Variants in COMMD10 observed in about 807,000 individuals in gnomAD.
COMMD10 encodes COMM domain containing 10, also known as COMM domain-containing protein 10.
Under a neutral mutation model 28.9 loss-of-function variants are expected in COMMD10, and 33 were observed. The observed-to-expected ratio is 1.14, with a 90% CI of 0.87 to 1.53. The LOEUF is 1.53. Ranked by LOEUF, COMMD10 falls within the 40% of genes most tolerant of loss-of-function variation. COMMD10 has a pLI of 0.00. For synonymous variants in COMMD10, 110 were observed against 81.7 expected (o/e 1.35, Z -1.87); for missense variants, 310 against 233.4 (o/e 1.33, Z -2.14).
intron 5 of COMMD10, among the ~76,000 whole-genome samples, chr5:116,235,010 ACTT>A (rs1159731613): frequency 6.6e-6 from 1 of 152,188 alleles, no homozygotes; most frequent in Non-Finnish European, 1.5e-5. Flanking sequence ...TTACCAGTGA[ACTT>A]CTTCAAATGT....
intron 5 of COMMD10, among the ~76,000 whole-genome samples, chr5:116,268,929 A>G (rs1338657861): frequency 2.0e-5 from 3 of 151,316 alleles, no homozygotes; most frequent in Non-Finnish European, 2.9e-5. Context: ...GAGGAACATC[A>G]CAAACCGGAG....
At chr5:116,270,297 G>C (rs1474659900) in intron 5 of COMMD10, among the ~76,000 whole-genome samples, 2 of 151,760 alleles carry the variant, frequency 1.3e-5, no homozygotes, top group African/African-American at 2.4e-5. Flanking sequence ...TCATGTATTA[G>C]TTCCTGTTAT....
chr5:116,130,666 A>C (rs73253207), intron 4 of COMMD10, among the ~76,000 whole-genome samples: 5 of 151,964 alleles, frequency 3.3e-5, no homozygotes, highest in African/African-American at 1.2e-4. Flanking sequence ...CTGTGACCCA[A>C]AATATTTAAG....
At chr5:116,212,327 C>T (rs1286228016) in intron 5 of COMMD10, among the ~76,000 whole-genome samples, 3 of 152,146 alleles carry the variant, frequency 2.0e-5, no homozygotes, top group African/African-American at 7.2e-5. Context: ...TCTCTCCAGG[C>T]ATCCTTTTAT....
chr5:116,252,268 T>TA (rs1438985086), intron 5 of COMMD10, among the ~76,000 whole-genome samples: 1 of 142,294 alleles, frequency 7.0e-6, no homozygotes, highest in Non-Finnish European at 1.5e-5. Context: ...ACTCTGATGG[T>TA]AGTTTCTTTT....
intron 5 of COMMD10, among the ~76,000 whole-genome samples, chr5:116,202,987 C>A (rs1385408506): frequency 1.3e-5 from 2 of 151,808 alleles, no homozygotes; most frequent in Admixed American, 1.3e-4. Context: ...ATGGTATTGC[C>A]TAGGTTTTCT....
At chr5:116,154,632 A>G (rs1451722134) in intron 5 of COMMD10, among the ~76,000 whole-genome samples, 1 of 152,264 alleles carries the variant, frequency 6.6e-6, no homozygotes, top group East Asian at 1.9e-4. Context: ...TAAGTGATTT[A>G]TATGGCAAGT....
At chr5:116,221,247 A>G (rs1245359464) in intron 5 of COMMD10, among the ~76,000 whole-genome samples, 1 of 151,830 alleles carries the variant, frequency 6.6e-6, no homozygotes, top group Non-Finnish European at 1.5e-5. Context: ...ATTCCAACCA[A>G]TCAATGACCC....
intron 5 of COMMD10, among the ~76,000 whole-genome samples, chr5:116,248,809 G>A (rs542024867): frequency 2.0e-5 from 3 of 151,698 alleles, no homozygotes; most frequent in Non-Finnish European, 4.4e-5. Flanking sequence ...TCTTGGATCC[G>A]GAAATATACT....
At chr5:116,215,680 C>G (rs1330267455) in intron 5 of COMMD10, among the ~76,000 whole-genome samples, 1 of 126,764 alleles carries the variant, frequency 7.9e-6, no homozygotes, top group African/African-American at 2.7e-5. Flanking sequence ...GAGTGGGAGT[C>G]CAGCTAAAAA....
intron 5 of COMMD10, among the ~76,000 whole-genome samples, chr5:116,205,528 A>G (rs568577935): frequency 2.4e-4 from 37 of 152,206 alleles, no homozygotes; most frequent in Admixed American, 1.3e-3. Flanking sequence ...CCTCATATAC[A>G]TATGCACATA....
At chr5:116,114,295 A>G (rs1362658530) in intron 4 of COMMD10, among the ~76,000 whole-genome samples, 1 of 151,908 alleles carries the variant, frequency 6.6e-6, no homozygotes, top group South Asian at 2.1e-4. Flanking sequence ...GTAGCAGTGT[A>G]CTGGGCAAGT....
At chr5:116,189,885 G>A (rs1416888589) in intron 5 of COMMD10, among the ~76,000 whole-genome samples, 1 of 152,116 alleles carries the variant, frequency 6.6e-6, no homozygotes, top group African/African-American at 2.4e-5. Flanking sequence ...TCTTTATTAT[G>A]AAAGGAGGTA....
intron 5 of COMMD10, among the ~76,000 whole-genome samples, chr5:116,186,031 G>A (rs1456021438): frequency 6.6e-6 from 1 of 152,068 alleles, no homozygotes; most frequent in Non-Finnish European, 1.5e-5. Context: ...TGAGGTCTGG[G>A]TTCGACCCCT....
chr5:116,111,225 T>C (rs1314376867), intron 4 of COMMD10, among the ~76,000 whole-genome samples: 1 of 152,160 alleles, frequency 6.6e-6, no homozygotes, highest in Non-Finnish European at 1.5e-5. Context: ...ACGAGCTTTT[T>C]GTTTCATTAA....
At chr5:116,214,084 G>A (rs1302692872) in intron 5 of COMMD10, among the ~76,000 whole-genome samples, 3 of 152,066 alleles carry the variant, frequency 2.0e-5, no homozygotes, top group Admixed American at 2.0e-4. Context: ...TATTGTGTTT[G>A]TGTATATTTC....
intron 5 of COMMD10, among the ~76,000 whole-genome samples, chr5:116,206,907 A>G (rs2112629341): frequency 6.6e-6 from 1 of 152,294 alleles, no homozygotes; most frequent in Middle Eastern, 3.4e-3. Flanking sequence ...AGGAAGCAAC[A>G]GCTCTTCTCT....
chr5:116,214,467 TTTAA>T lies in COMMD10; in HGVS notation c.511-77047_511-77044del, dbSNP rs369473919. Among the ~76,000 whole-genome samples, 6 of 152,292 alleles carry T rather than the reference TTTAA, an allele frequency of 3.9e-5. 1 individual carries two copies. The highest frequency in any genetic ancestry group is 1.4e-4 in the African/African-American group (6 of 41,576). On this transcript the variant is annotated intron_variant, in intron 5 of 6. Coordinates refer to ENST00000274458, the MANE Select transcript of COMMD10 (RefSeq NM_016144.4). ...AGAATAAACAGTCATTCATTGGATG[TTTAA>T]TTGTTACAGGCACTTTTACATATTA...
At chr5:116,109,483 A>G (rs1033641661) in intron 4 of COMMD10, among the ~76,000 whole-genome samples, 8 of 152,120 alleles carry the variant, frequency 5.3e-5, no homozygotes, top group African/African-American at 1.9e-4. Flanking sequence ...AATCCCAGCT[A>G]CTTGGGAGGC....
Sources: allele counts gnomAD v4.1 joint callset (sites outside exome capture counted in the v4.1 genomes callset), GRCh38; gene constraint gnomAD v4.1.1; transcripts MANE v1.5; gene names NCBI Gene and HGNC (gene_info 2026-07-23, HGNC 2026-07-21).